ZDHHC21: variants seen among roughly 807,000 people sequenced by gnomAD.
ZDHHC21 encodes palmitoyltransferase ZDHHC21.
ZDHHC21 carries 15 observed loss-of-function variants against 34.6 expected under a neutral mutation model. The observed-to-expected ratio is 0.43, with a 90% CI of 0.29 to 0.67. ZDHHC21 has a LOEUF of 0.67. ZDHHC21 is among the 30% of genes least tolerant of loss of function. The probability of loss-of-function intolerance (pLI) is 0.14; values close to 1 mark genes in which losing one functional copy is unlikely to be tolerated. For synonymous variants in ZDHHC21, 142 were observed against 101.8 expected, an observed-to-expected ratio of 1.40 and a Z score of -2.38; for missense variants, 344 against 327.7, an observed-to-expected ratio of 1.05 and a Z score of -0.38.
At chr9:14,647,951 T>C (rs1024098650) in intron 7 of ZDHHC21, among the ~76,000 whole-genome samples, 9 of 152,264 alleles carry the variant, frequency 5.9e-5, no homozygotes, top group African/African-American at 2.2e-4. Flanking sequence ...TTTTTGTATC[T>C]AGCTGCTTAA....
At chr9:14,668,152 G>C (rs947407727) in intron 5 of ZDHHC21, among the ~76,000 whole-genome samples, 2 of 110,716 alleles carry the variant, frequency 1.8e-5, no homozygotes, top group Non-Finnish European at 3.6e-5. Flanking sequence ...CTTCAGCAAA[G>C]TCTCAGGATA....
intron 5 of ZDHHC21, among the ~76,000 whole-genome samples, chr9:14,663,931 T>A (rs940713646): frequency 6.6e-6 from 1 of 152,092 alleles, no homozygotes; most frequent in African/African-American, 2.4e-5. Context: ...CACAAGCATA[T>A]CATATTCCAC....
In ZDHHC21 at chr9:14,627,935, A is replaced by AC. The variant is rs199503017; in HGVS notation, c.622-8254dup. On this transcript the variant is annotated intron_variant, in intron 8 of 9. Coordinates refer to ENST00000380916, the MANE Select transcript of ZDHHC21 (RefSeq NM_178566.6). The stretch of plus-strand genomic sequence containing the variant: ...TTTGATTCAGAAACAGCAAAAAAAA[A>AC]CCAAAAAACAGGCTAAACAGTCTGA... Among the ~76,000 whole-genome samples the AC allele has an allele frequency of 3.4e-3, 523 of 151,796 alleles. 3 individuals carry two copies. The highest frequency in any genetic ancestry group is 0.012 in the African/African-American group (491 of 41,342).
At chr9:14,610,883 C>A (rs550833328), downstream of ZDHHC21, among the ~76,000 whole-genome samples, 1 of 152,068 alleles carries the variant, frequency 6.6e-6, no homozygotes, top group Middle Eastern at 3.4e-3. Context: ...AGTATGTACA[C>A]CTAGTTCTTT....
rs548594862 is a variant in ZDHHC21, at chr9:14,669,205, C to T, written c.253+3625G>A. ...AAAGTGGGCGAAGGACATGAACAGA[C>T]ACTTCTCAAAAGAAGACATTTATGC... is the stretch of plus-strand genomic sequence containing the variant. On this transcript the variant is annotated intron_variant, in intron 5 of 9. Coordinates refer to ENST00000380916, the MANE Select transcript of ZDHHC21 (RefSeq NM_178566.6). 4.1e-3 allele frequency among the ~76,000 whole-genome samples: 553 copies of T among 136,406 alleles called. 4 individuals are homozygous for T. Among genetic ancestry groups the T allele is most frequent in the African/African-American group, 0.013 (498 of 37,488 alleles). The allele number at this position is 136,406 out of a possible 152,430, so 89.5% of individuals were successfully genotyped here. A position where few individuals can be genotyped will look rare whatever the true frequency, so the allele number is the denominator to read the frequency against.
chr9:14,639,632 C>A (rs769998524), intron 8 of ZDHHC21, among the ~76,000 whole-genome samples: 3 of 152,076 alleles, frequency 2.0e-5, no homozygotes, highest in Admixed American at 6.5e-5. Flanking sequence ...ACGTAAGATA[C>A]TGTGTATCAA....
At chr9:14,619,738 T>C (rs561549443) in intron 8 of ZDHHC21, 56 bp from the exon 9 acceptor site, 18 of 1,019,606 alleles carry the variant, frequency 1.8e-5, no homozygotes, top group Non-Finnish European at 2.5e-5. Flanking sequence ...GTCTTTATTC[T>C]GTATCCACTC....
At chr9:14,641,168 T>C (rs1197374745) in intron 7 of ZDHHC21, among the ~76,000 whole-genome samples, 5 of 152,126 alleles carry the variant, frequency 3.3e-5, no homozygotes, top group African/African-American at 1.2e-4. Context: ...AACTGATACT[T>C]TTCTGTGTGT....
At chr9:14,599,102 G>T in the ZDHHC21 span, among the ~76,000 whole-genome samples, 2 of 152,158 alleles carry the variant, frequency 1.3e-5, no homozygotes, top group Non-Finnish European at 1.5e-5. Context: ...CATAAAAAAA[G>T]AACCTGATTC....
At chr9:14,657,315 T>C (rs60712266) in intron 7 of ZDHHC21, among the ~76,000 whole-genome samples, 399 of 152,274 alleles carry the variant, frequency 2.6e-3, no homozygotes, top group African/African-American at 8.6e-3. Flanking sequence ...ATGTCTATTA[T>C]ATACCAGCTA....
At chr9:14,636,646 T>C (rs149064189) in intron 8 of ZDHHC21, among the ~76,000 whole-genome samples, 90 of 152,232 alleles carry the variant, frequency 5.9e-4, no homozygotes, top group African/African-American at 1.9e-3. Flanking sequence ...AGATAGACCA[T>C]AGGTTAGGAC....
the ZDHHC21 span, among the ~76,000 whole-genome samples, chr9:14,596,128 G>A: frequency 6.6e-6 from 1 of 152,216 alleles, no homozygotes; most frequent in East Asian, 1.9e-4. Flanking sequence ...GAATGTTCAT[G>A]GCAGTTTCAT....
intron 8 of ZDHHC21, among the ~76,000 whole-genome samples, chr9:14,633,143 C>T (rs1426304449): frequency 6.6e-6 from 1 of 152,200 alleles, no homozygotes; most frequent in Non-Finnish European, 1.5e-5. Context: ...AACTGGTACT[C>T]ACCTCCTTCA....
At position 14,674,369 on chromosome 9, in the gene ZDHHC21, C is replaced by A; in HGVS notation, c.-29G>T. Reference sequence around the variant, plus strand: ...GCAATCTTATAACTGCCTGCTAACCCACAAGGAAGGATGATCCTAAGGAGA... The same window carrying A: ...GCAATCTTATAACTGCCTGCTAACCAACAAGGAAGGATGATCCTAAGGAGA... On this transcript the variant is annotated 5_prime_UTR_variant, in exon 4 of 10. Coordinates refer to ENST00000380916, the MANE Select transcript of ZDHHC21 (RefSeq NM_178566.6). 6.4e-7 allele frequency: 1 copy of A among 1,570,394 alleles called. No homozygotes were observed. The highest frequency in any genetic ancestry group is 1.2e-5 in the South Asian group (1 of 81,528).
rs1472155781 is a variant in ZDHHC21, at chr9:14,612,463, G to A, written c.*6503C>T. Reference sequence around the variant, plus strand: ...AATATACATAGCAGCATTACATTTGGACAATTACATTTCAAAGGTGTTTTA... The same window carrying A: ...AATATACATAGCAGCATTACATTTGAACAATTACATTTCAAAGGTGTTTTA... On this transcript the variant is annotated 3_prime_UTR_variant, in exon 10 of 10. Coordinates refer to ENST00000380916, the MANE Select transcript of ZDHHC21 (RefSeq NM_178566.6). 1 of 151,904 alleles carries A rather than the reference G, an allele frequency of 6.6e-6. No homozygotes were observed. Among genetic ancestry groups the A allele is most frequent in the Admixed American group, 6.6e-5 (1 of 15,208 alleles). The allele number at this position is 151,904 out of a possible 1,614,324, so 9.4% of individuals were successfully genotyped here.
chr9:14,645,073 C>T (rs1054742925), intron 7 of ZDHHC21, among the ~76,000 whole-genome samples: 2 of 152,086 alleles, frequency 1.3e-5, no homozygotes, highest in Admixed American at 1.3e-4. Context: ...TGTGGCTCTA[C>T]ACAATCTTAT....
intron 8 of ZDHHC21, among the ~76,000 whole-genome samples, chr9:14,623,530 TA>T (rs201339505): frequency 1.1e-3 from 159 of 141,480 alleles, no homozygotes; most frequent in African/African-American, 1.7e-3. Flanking sequence ...TCCTGTCTCT[TA>T]AAAAAAAAAA....
chr9:14,622,616 A>G lies in ZDHHC21; in HGVS notation c.622-2934T>C, dbSNP rs1195929659. 5 of 984,852 alleles carry G rather than the reference A, an allele frequency of 5.1e-6. No homozygotes were observed. The South Asian group carries it at 1.9e-4, about 37-fold the overall frequency. The allele number at this position is 984,852 out of a possible 1,614,324, so 61.0% of individuals were successfully genotyped here. A position where few individuals can be genotyped will look rare whatever the true frequency, so the allele number is the denominator to read the frequency against. ...AACTAACTCATCCTGTTTTGAGTTCATTCTCACCAAGCAACACTTTGCCAC... is the reference window on the plus strand; with the variant it reads ...AACTAACTCATCCTGTTTTGAGTTCGTTCTCACCAAGCAACACTTTGCCAC... On this transcript the variant is annotated intron_variant, in intron 8 of 9. Transcript: ENST00000380916.
At chr9:14,639,074 C>A (rs1159966648) in intron 8 of ZDHHC21, among the ~76,000 whole-genome samples, 4 of 152,040 alleles carry the variant, frequency 2.6e-5, no homozygotes, top group Non-Finnish European at 5.9e-5. Flanking sequence ...TATCACAGCA[C>A]TATTCACAAG....
Sources: gnomAD v4.1 joint callset for allele counts (sites outside exome capture counted in the v4.1 genomes callset) on GRCh38, gnomAD v4.1.1 for gene constraint, MANE v1.5 for transcripts, NCBI Gene and HGNC (gene_info 2026-07-23, HGNC 2026-07-21) for gene names.